The following TRDMT1 variants were observed in gnomAD, a reference collection of about 807,000 sequenced individuals.
The protein encoded by TRDMT1 is tRNA (cytosine(38)-C(5))-methyltransferase.
A neutral mutation model predicts 51.2 loss-of-function variants in TRDMT1; 49 were observed. The observed-to-expected ratio is 0.96, with a 90% CI of 0.76 to 1.21. The LOEUF (loss-of-function observed/expected upper bound fraction) is 1.21, where lower values mean the gene tolerates loss of function less well. TRDMT1 is among the 50% of genes most tolerant of loss of function. The pLI is 0.00. For missense variants in TRDMT1, 534 were observed against 462.3 expected (o/e 1.16, Z -1.42); for synonymous variants, 187 against 164.6 (o/e 1.14, Z -1.04).
chr10:17,175,750 A>G (rs1161211921), intron 1 of TRDMT1, among the ~76,000 whole-genome samples: 3 of 151,920 alleles, frequency 2.0e-5, no homozygotes, highest in African/African-American at 7.3e-5. Flanking sequence ...AGACCACAGG[A>G]GACAGGGCAA....
intron 1 of TRDMT1, among the ~76,000 whole-genome samples, chr10:17,176,425 G>C (rs769543365): frequency 6.6e-6 from 1 of 152,018 alleles, no homozygotes; most frequent in Non-Finnish European, 1.5e-5. Context: ...ATGCCTGGAG[G>C]TCATAAAAAC....
At chr10:17,188,851 T>G (rs1028547474) in intron 1 of TRDMT1, among the ~76,000 whole-genome samples, 5 of 152,216 alleles carry the variant, frequency 3.3e-5, no homozygotes, top group African/African-American at 1.2e-4. Flanking sequence ...AATCACCTAC[T>G]GTATTGCTTT....
chr10:17,158,586 C>G (rs554255292), intron 7 of TRDMT1, among the ~76,000 whole-genome samples: 1 of 152,196 alleles, frequency 6.6e-6, no homozygotes, highest in South Asian at 2.1e-4. Flanking sequence ...ACTCAGTTAT[C>G]CATCCCCGTT....
chr10:17,192,197 G>A (rs1422365336), intron 1 of TRDMT1, among the ~76,000 whole-genome samples: 1 of 152,176 alleles, frequency 6.6e-6, no homozygotes, highest in Non-Finnish European at 1.5e-5. Flanking sequence ...ACTGGCTGAT[G>A]TGGGTGAAAA....
chr10:17,186,619 ATAATAAAC>A (rs1453664658), intron 1 of TRDMT1, among the ~76,000 whole-genome samples: 2 of 152,208 alleles, frequency 1.3e-5, no homozygotes, highest in Non-Finnish European at 2.9e-5. Flanking sequence ...GAATTATAAG[ATAATAAAC>A]CTGTGTTGCT....
chr10:17,168,128 C>T (rs377195952), intron 3 of TRDMT1, among the ~76,000 whole-genome samples: 31 of 151,876 alleles, frequency 2.0e-4, no homozygotes, highest in Non-Finnish European at 3.8e-4. Context: ...CATAGTGAGA[C>T]GCCATCTCTA....
At chr10:17,158,190 A>G (rs1391091567) in intron 7 of TRDMT1, among the ~76,000 whole-genome samples, 2 of 152,196 alleles carry the variant, frequency 1.3e-5, no homozygotes, top group Non-Finnish European at 2.9e-5. Context: ...AAACCAAAAC[A>G]TAGCTATGAT....
intron 2 of TRDMT1, 133 bp downstream of exon 2, chr10:17,174,418 T>A: frequency 1.7e-6 from 1 of 580,488 alleles, no homozygotes; most frequent in Non-Finnish European, 2.9e-6. Context: ...AAAATGTTAA[T>A]CTCCTTCTCC....
chr10:17,171,341 C>T (rs934768832), intron 2 of TRDMT1, among the ~76,000 whole-genome samples: 1 of 152,012 alleles, frequency 6.6e-6, no homozygotes, highest in Non-Finnish European at 1.5e-5. Flanking sequence ...TGACTCAGTC[C>T]CCAGCACTTT....
At chr10:17,181,644 T>A (rs939152504) in intron 1 of TRDMT1, among the ~76,000 whole-genome samples, 2 of 150,570 alleles carry the variant, frequency 1.3e-5, no homozygotes, top group South Asian at 4.3e-4. Flanking sequence ...TCTATCTCAA[T>A]GCTCATTTTT....
chr10:17,193,606 G>C (rs1361021118), intron 1 of TRDMT1, among the ~76,000 whole-genome samples: 1 of 152,098 alleles, frequency 6.6e-6, no homozygotes, highest in African/African-American at 2.4e-5. Context: ...TAACCAAGGA[G>C]GTGAAAGATC....
At chr10:17,190,107 C>T (rs1042077409) in intron 1 of TRDMT1, among the ~76,000 whole-genome samples, 5 of 152,060 alleles carry the variant, frequency 3.3e-5, no homozygotes, top group African/African-American at 7.2e-5. Context: ...GGCGAAGTAA[C>T]GGTAATTTTT....
chr10:17,179,988 A>ATACTTTCT (rs1843077157), intron 1 of TRDMT1, among the ~76,000 whole-genome samples: 1 of 152,176 alleles, frequency 6.6e-6, no homozygotes, highest in Admixed American at 6.5e-5. Context: ...GCAATCCCTA[A>ATACTTTCT]AGACACTTTC....
chr10:17,177,627 G>T (rs1034066318), intron 1 of TRDMT1, among the ~76,000 whole-genome samples: 10 of 152,100 alleles, frequency 6.6e-5, no homozygotes, highest in South Asian at 2.1e-4. Context: ...TTTCAAGAGA[G>T]ACTTCTAGGT....
At chr10:17,160,407 C>T in intron 5 of TRDMT1, 33 bp from the exon 6 acceptor site, 1 of 1,346,698 alleles carries the variant, frequency 7.4e-7, no homozygotes. Flanking sequence ...TTAATTCTTA[C>T]TTGGAAAGGC....
In TRDMT1 at chr10:17,141,530, A is replaced by AT. The variant is rs34799029; in HGVS notation, c.*7509dup. ...ATTATTTAAATGCTCTTTCAGCTCCATTTTTTTCCCCTCTACTTCTGGCAC... is the reference window on the plus strand; with the variant it reads ...ATTATTTAAATGCTCTTTCAGCTCCATTTTTTTTCCCCTCTACTTCTGGCAC... On this transcript the variant is annotated 3_prime_UTR_variant, in exon 11 of 11. Transcript: ENST00000377799. Among the ~76,000 whole-genome samples the AT allele has an allele frequency of 0.29, 43,353 of 151,672 alleles. 6,405 individuals carry two copies. Among genetic ancestry groups the AT allele is most frequent in the Middle Eastern group, 0.37 (109 of 294 alleles).
rs913605185 is a variant in TRDMT1, at chr10:17,139,405, G to A, written c.*9635C>T. The stretch of plus-strand genomic sequence containing the variant: ...TATTGGATCTGATCTTAGGAAAAGG[G>A]GAAAGTACATCTTTGTGATGATATT... On this transcript the variant is annotated 3_prime_UTR_variant, in exon 11 of 11. Transcript: ENST00000377799. Among the ~76,000 whole-genome samples, 5 of 152,154 alleles carry A rather than the reference G, an allele frequency of 3.3e-5. No homozygotes were observed. The highest frequency in any genetic ancestry group is 1.2e-4 in the African/African-American group (5 of 41,428).
At chr10:17,168,226 C>T (rs1367267482) in intron 3 of TRDMT1, among the ~76,000 whole-genome samples, 2 of 152,072 alleles carry the variant, frequency 1.3e-5, no homozygotes, top group East Asian at 3.8e-4. Context: ...TTGCTTGAAC[C>T]TGGGAGATTG....
intron 7 of TRDMT1, 75 bp from the exon 8 acceptor site, chr10:17,157,859 C>A: frequency 8.2e-7 from 1 of 1,216,312 alleles, no homozygotes; most frequent in South Asian, 1.6e-5. Context: ...GTCCAGTCAA[C>A]ATTACGAAAA....
Sources: gnomAD v4.1 joint callset for allele counts (sites outside exome capture counted in the v4.1 genomes callset) on GRCh38, gnomAD v4.1.1 for gene constraint, MANE v1.5 for transcripts, NCBI Gene and HGNC (gene_info 2026-07-23, HGNC 2026-07-21) for gene names.